The following RPTOR variants were observed in gnomAD, a reference collection of about 807,000 sequenced individuals.
RPTOR encodes regulatory-associated protein of mTOR.
Under a neutral mutation model 169.9 loss-of-function variants are expected in RPTOR, and 21 were observed. The ratio of observed to expected loss-of-function variants is 0.12; its 90% CI spans 0.09 to 0.18. The LOEUF (loss-of-function observed/expected upper bound fraction) is 0.18. Ranked by LOEUF, RPTOR falls within the 10% of genes least tolerant of loss-of-function variation. The pLI, the probability that RPTOR is intolerant of heterozygous loss-of-function variation, is 1.00. For missense variants in RPTOR, 1,133 were observed against 1,855.9 expected, an observed-to-expected ratio of 0.61 and a Z score of 7.16; for synonymous variants, 732 against 753.2, an observed-to-expected ratio of 0.97 and a Z score of 0.46.
chr17:80,614,674 G>A (rs530654630), intron 1 of RPTOR, among the ~76,000 whole-genome samples: 5 of 152,364 alleles, frequency 3.3e-5, no homozygotes, highest in Admixed American at 3.3e-4. Flanking sequence ...TATGTGTAGT[G>A]AATAGCAGGC....
At chr17:80,600,247 T>C (rs568063441) in intron 1 of RPTOR, among the ~76,000 whole-genome samples, 1 of 152,242 alleles carries the variant, frequency 6.6e-6, no homozygotes, top group Non-Finnish European at 1.5e-5. Context: ...GCTTGTCTAA[T>C]GGAGGAGATT....
At chr17:80,759,087 A>G (rs1221790209) in intron 6 of RPTOR, among the ~76,000 whole-genome samples, 2 of 151,954 alleles carry the variant, frequency 1.3e-5, no homozygotes, top group Non-Finnish European at 2.9e-5. Context: ...CAGATGTGGC[A>G]GTGCGTCCTG....
intron 6 of RPTOR, among the ~76,000 whole-genome samples, chr17:80,762,860 G>A (rs530169824): frequency 3.3e-5 from 5 of 152,168 alleles, no homozygotes; most frequent in East Asian, 3.9e-4. Flanking sequence ...AAAAAAAAAC[G>A]TAGAAAAGGA....
chr17:80,695,650 C>T lies in RPTOR; in HGVS notation c.349-12191C>T, dbSNP rs559873005. On this transcript the variant is annotated intron_variant, in intron 3 of 33. Coordinates refer to ENST00000306801, the MANE Select transcript of RPTOR (RefSeq NM_020761.3). The surrounding 1 kb of genome is among the most constrained non-coding windows in gnomAD (Gnocchi z 4.9). ...GCTTCCTAGTCTCTGCACGTTACCC[C>T]GAATTCCAGAATAATCGTGAGAAGG... Among the ~76,000 whole-genome samples the T allele has an allele frequency of 1.6e-4, 25 of 152,330 alleles. No homozygotes were observed. The highest frequency in any genetic ancestry group is 4.6e-4 in the African/African-American group (19 of 41,578).
intron 5 of RPTOR, among the ~76,000 whole-genome samples, chr17:80,731,378 C>G (rs1347273894): frequency 6.6e-6 from 1 of 151,912 alleles, no homozygotes; most frequent in Non-Finnish European, 1.5e-5. Context: ...TTTGTTCCTG[C>G]CCCGGTTTCT....
At chr17:80,556,723 C>G (rs1216815133) in intron 1 of RPTOR, among the ~76,000 whole-genome samples, 2 of 151,052 alleles carry the variant, frequency 1.3e-5, no homozygotes, top group Admixed American at 6.6e-5. Flanking sequence ...AATGGATATA[C>G]TTTTCATTAG....
intron 14 of RPTOR, among the ~76,000 whole-genome samples, chr17:80,881,635 A>G (rs2068187263): frequency 6.6e-6 from 1 of 152,244 alleles, no homozygotes; most frequent in African/African-American, 2.4e-5. Flanking sequence ...CCTGGGCGAC[A>G]TGGTGAAACC....
chr17:80,664,898 G>A (rs1204541541), intron 3 of RPTOR, among the ~76,000 whole-genome samples: 1 of 152,048 alleles, frequency 6.6e-6, no homozygotes, highest in Non-Finnish European at 1.5e-5. Context: ...AATTTATGTT[G>A]TTATAGTTTT....
chr17:80,646,999 G>T lies in RPTOR; in HGVS notation c.348+3189G>T, dbSNP rs1418899464. Among the ~76,000 whole-genome samples the T allele has an allele frequency of 6.6e-6, 1 of 152,136 alleles. No homozygotes were observed. The highest frequency in any genetic ancestry group is 6.5e-5 in the Admixed American group (1 of 15,288). On this transcript the variant is annotated intron_variant, in intron 3 of 33. Coordinates refer to ENST00000306801, the MANE Select transcript of RPTOR (RefSeq NM_020761.3). The surrounding 1 kb of genome is among the most constrained non-coding windows in gnomAD (Gnocchi z 5.0). ...GAAGCCTCTGATGATTTCCTTGCTG[G>T]TGCTGGAACGCTTGGACTTGTTCTT...
chr17:80,869,534 A>G (rs1385928300), intron 13 of RPTOR, among the ~76,000 whole-genome samples: 1 of 152,198 alleles, frequency 6.6e-6, no homozygotes, highest in Admixed American at 6.5e-5. Context: ...TGTATCAGCT[A>G]AGTGCAGTTC....
chr17:80,842,250 C>T (rs1183829700), intron 10 of RPTOR, among the ~76,000 whole-genome samples: 1 of 152,194 alleles, frequency 6.6e-6, no homozygotes, highest in African/African-American at 2.4e-5. Context: ...TTTGAAATGT[C>T]GATATCTTCT....
intron 1 of RPTOR, among the ~76,000 whole-genome samples, chr17:80,570,159 G>C (rs1025221831): frequency 1.3e-5 from 2 of 152,116 alleles, no homozygotes; most frequent in Non-Finnish European, 2.9e-5. Context: ...CTGTCTCCAT[G>C]CAGAAAGCTC....
intron 5 of RPTOR, among the ~76,000 whole-genome samples, chr17:80,750,192 T>G (rs578251133): frequency 4.6e-5 from 7 of 152,322 alleles, no homozygotes; most frequent in Middle Eastern, 3.4e-3. Context: ...CACACTGATA[T>G]TTTTTGCTAT....
chr17:80,798,289 C>G (rs543883527), intron 7 of RPTOR, among the ~76,000 whole-genome samples: 1 of 152,198 alleles, frequency 6.6e-6, no homozygotes, highest in Non-Finnish European at 1.5e-5. Flanking sequence ...CCTCTGGAGC[C>G]GCCTTGCCCA....
intron 5 of RPTOR, among the ~76,000 whole-genome samples, chr17:80,733,128 G>T (rs533222010): frequency 1.1e-3 from 175 of 152,310 alleles, no homozygotes; most frequent in Non-Finnish European, 2.0e-3. Context: ...GGACCAGGAG[G>T]TTTATTTATT....
At chr17:80,784,055 C>T (rs986565005) in intron 6 of RPTOR, among the ~76,000 whole-genome samples, 4 of 152,158 alleles carry the variant, frequency 2.6e-5, no homozygotes, top group Admixed American at 6.5e-5. Flanking sequence ...TAGCTCACTG[C>T]AGCCTTAACC....
chr17:80,772,324 T>C (rs1009694405), intron 6 of RPTOR, among the ~76,000 whole-genome samples: 27 of 152,328 alleles, frequency 1.8e-4, no homozygotes, highest in African/African-American at 6.5e-4. Context: ...GACCTCGATG[T>C]TTTGGGCAGC....
chr17:80,670,253 C>G (rs189698316), intron 3 of RPTOR, among the ~76,000 whole-genome samples: 1 of 152,268 alleles, frequency 6.6e-6, no homozygotes, highest in East Asian at 1.9e-4. Context: ...TTTAAATTGT[C>G]CCTCTTTTAT....
At chr17:80,706,811 G>T (rs570206269) in intron 3 of RPTOR, among the ~76,000 whole-genome samples, 2 of 152,244 alleles carry the variant, frequency 1.3e-5, no homozygotes, top group African/African-American at 4.8e-5. Context: ...TTAAACGAGC[G>T]AGAGCTGACA....
Sources: allele counts gnomAD v4.1 joint callset (sites outside exome capture counted in the v4.1 genomes callset), GRCh38; gene constraint gnomAD v4.1.1; non-coding constraint Gnocchi (gnomAD v3.1); transcripts MANE v1.5; gene names NCBI Gene and HGNC (gene_info 2026-07-23, HGNC 2026-07-21).